Variants in FER observed in about 807,000 individuals in gnomAD.
FER encodes the protein FER tyrosine kinase, also known as tyrosine-protein kinase Fer.
A neutral mutation model predicts 111.0 loss-of-function variants in FER; 63 were observed. The ratio of observed to expected loss-of-function variants is 0.57; its 90% CI spans 0.46 to 0.70. The LOEUF is 0.70. Ranked by LOEUF, FER falls within the 30% of genes least tolerant of loss-of-function variation. FER has a pLI of 0.00. For synonymous variants in FER, 327 were observed against 313.9 expected (o/e 1.04, Z -0.44); for missense variants, 914 against 954.0 (o/e 0.96, Z 0.55).
intron 2 of FER, among the ~76,000 whole-genome samples, chr5:108,791,108 T>C (rs2150024808): frequency 6.6e-6 from 1 of 152,338 alleles, no homozygotes; most frequent in South Asian, 2.1e-4. Flanking sequence ...CTTCAAACAT[T>C]CATATGCAAG....
intron 17 of FER, among the ~76,000 whole-genome samples, chr5:109,135,860 A>G (rs1752840789): frequency 6.6e-6 from 1 of 152,196 alleles, no homozygotes. Context: ...GCTCAAAAAC[A>G]GAAAAGAAAG....
At chr5:108,931,028 T>A (rs529596834) in intron 10 of FER, among the ~76,000 whole-genome samples, 64 of 152,322 alleles carry the variant, frequency 4.2e-4, no homozygotes, top group African/African-American at 1.5e-3. Flanking sequence ...TTATTCTGAG[T>A]AAGAACTTTT....
At chr5:108,759,048 G>A (rs368815182) in intron 1 of FER, among the ~76,000 whole-genome samples, 31 of 152,288 alleles carry the variant, frequency 2.0e-4, no homozygotes, top group African/African-American at 6.5e-4. Context: ...TAGGATCTCT[G>A]GATAATTTCT....
intron 16 of FER, among the ~76,000 whole-genome samples, chr5:109,093,983 A>G (rs74747728): frequency 0.034 from 5,204 of 152,228 alleles, 146 homozygotes; most frequent in South Asian, 0.084. Context: ...AAAATATAAA[A>G]TGAGTAGTTT....
intron 17 of FER, among the ~76,000 whole-genome samples, chr5:109,130,234 C>A (rs2126567251): frequency 6.6e-6 from 1 of 152,006 alleles, no homozygotes; most frequent in Middle Eastern, 3.4e-3. Flanking sequence ...GAAAATTTGG[C>A]ATTTAATATG....
chr5:108,943,843 C>T (rs1756605190), intron 10 of FER, among the ~76,000 whole-genome samples: 1 of 152,138 alleles, frequency 6.6e-6, no homozygotes, highest in East Asian at 1.9e-4. Context: ...AAGCCATCCT[C>T]TCACCTCAGC....
intron 17 of FER, among the ~76,000 whole-genome samples, chr5:109,127,107 T>C (rs553445374): frequency 7.9e-5 from 12 of 152,346 alleles, no homozygotes; most frequent in African/African-American, 2.9e-4. Context: ...TTCTCACATG[T>C]TATAAATATG....
intron 9 of FER, among the ~76,000 whole-genome samples, chr5:108,885,979 G>T (rs1747089069): frequency 6.6e-6 from 1 of 151,836 alleles, no homozygotes; most frequent in Non-Finnish European, 1.5e-5. Flanking sequence ...TGTGTTTGTG[G>T]ATGAATCTCT....
chr5:108,808,921 T>A (rs1757469140), intron 3 of FER, among the ~76,000 whole-genome samples: 1 of 152,216 alleles, frequency 6.6e-6, no homozygotes, highest in Admixed American at 6.5e-5. Flanking sequence ...ACCCCTAATC[T>A]TCCCTGGCTT....
intron 17 of FER, among the ~76,000 whole-genome samples, chr5:109,176,190 ATGTT>A (rs1757669863): frequency 6.6e-6 from 1 of 152,190 alleles, no homozygotes; most frequent in South Asian, 2.1e-4. Flanking sequence ...AGGGATACCT[ATGTT>A]TATTAAAGCA....
intron 16 of FER, among the ~76,000 whole-genome samples, chr5:109,078,143 A>G (rs185938726): frequency 1.9e-3 from 288 of 152,290 alleles, no homozygotes; most frequent in African/African-American, 6.5e-3. Context: ...AAGAACACCT[A>G]TAGTGTAAGA....
intron 2 of FER, chr5:108,784,105 A>T (rs1339223818): frequency 6.5e-6 from 1 of 154,530 alleles, no homozygotes; most frequent in East Asian, 1.9e-4. Flanking sequence ...ATCATGACTG[A>T]GCAGATGACC....
At chr5:109,138,050 C>T (rs967918347) in intron 17 of FER, among the ~76,000 whole-genome samples, 4 of 152,070 alleles carry the variant, frequency 2.6e-5, no homozygotes, top group Non-Finnish European at 5.9e-5. Flanking sequence ...GTCTTTCTGT[C>T]ATATCGGAAC....
intron 1 of FER, among the ~76,000 whole-genome samples, chr5:108,761,982 C>G (rs1364546077): frequency 6.6e-6 from 1 of 152,104 alleles, no homozygotes; most frequent in African/African-American, 2.4e-5. Context: ...ATGATCTCAG[C>G]TCACTGCAAC....
Position 109,097,364 on chromosome 5 carries a change from A to G in FER, c.1925-3032A>G, listed in dbSNP as rs571582021. Reference sequence around the variant, plus strand: ...GGTTTAATGTGCAACATACCCATACAGAAAAAAGTCTTGATAAGCAGAATT... The same window carrying G: ...GGTTTAATGTGCAACATACCCATACGGAAAAAAGTCTTGATAAGCAGAATT... On this transcript the variant is annotated intron_variant, in intron 16 of 19. Transcript: ENST00000281092. Among the ~76,000 whole-genome samples, 7 of 152,012 alleles carry G rather than the reference A, an allele frequency of 4.6e-5. No homozygotes were observed. The East Asian group carries it at 1.4e-3, about 29-fold the overall frequency.
chr5:109,042,949 A>G (rs1771389387), intron 14 of FER, among the ~76,000 whole-genome samples: 2 of 152,194 alleles, frequency 1.3e-5, no homozygotes, highest in African/African-American at 2.4e-5. Context: ...AGTATAATCA[A>G]AGTTTTCTCT....
At chr5:109,107,158 A>G (rs17450338) in intron 17 of FER, among the ~76,000 whole-genome samples, 49,379 of 152,044 alleles carry the variant, frequency 0.32, 8,211 homozygotes, top group Non-Finnish European at 0.37. Context: ...GATGTCTCAT[A>G]TTCTTCCTCA....
chr5:108,938,713 C>T (rs971276363), intron 10 of FER, among the ~76,000 whole-genome samples: 1 of 151,884 alleles, frequency 6.6e-6, no homozygotes, highest in Non-Finnish European at 1.5e-5. Context: ...TTAAGAGTTC[C>T]AGTGAGATTG....
At chr5:109,173,706 CTATT>C (rs1757383167) in intron 17 of FER, among the ~76,000 whole-genome samples, 10 of 151,842 alleles carry the variant, frequency 6.6e-5, no homozygotes, top group Admixed American at 6.6e-4. Flanking sequence ...ATTCAATTAT[CTATT>C]CAAATAATTT....
Sources: gnomAD v4.1 joint callset for allele counts (sites outside exome capture counted in the v4.1 genomes callset) on GRCh38, gnomAD v4.1.1 for gene constraint, MANE v1.5 for transcripts, NCBI Gene and HGNC (gene_info 2026-07-23, HGNC 2026-07-21) for gene names.